The following TRMT11 variants were observed in gnomAD, a reference collection of about 807,000 sequenced individuals.
The protein encoded by TRMT11 is tRNA (guanine(10)-N(2))-methyltransferase TRMT11.
Under a neutral mutation model 62.8 loss-of-function variants are expected in TRMT11, and 53 were observed. The ratio of observed to expected loss-of-function variants is 0.84; its 90% CI spans 0.68 to 1.06. TRMT11 has a LOEUF of 1.06. TRMT11 is among the 50% of genes least tolerant of loss of function. The probability of loss-of-function intolerance (pLI) is 0.00; values close to 1 mark genes in which losing one functional copy is unlikely to be tolerated. For missense variants in TRMT11, 556 were observed against 553.4 expected (o/e 1.00, Z -0.05); for synonymous variants, 188 against 190.3 (o/e 0.99, Z 0.10).
chr6:126,157,161 G>A (rs756661939), intron 21 of TRMT11, among the ~76,000 whole-genome samples: 7 of 152,178 alleles, frequency 4.6e-5, no homozygotes, highest in Non-Finnish European at 8.8e-5. Context: ...TCTGGGTAGG[G>A]AGGCAGGAAG....
chr6:126,097,323 A>G (rs1409411265), intron 17 of TRMT11, among the ~76,000 whole-genome samples: 2 of 152,186 alleles, frequency 1.3e-5, no homozygotes, highest in African/African-American at 4.8e-5. Flanking sequence ...ATAGCAATAA[A>G]TAATGCCTAC....
chr6:126,264,297 T>A, the TRMT11 span, among the ~76,000 whole-genome samples: 1 of 152,206 alleles, frequency 6.6e-6, no homozygotes, highest in Non-Finnish European at 1.5e-5. Flanking sequence ...TTTATTTCAC[T>A]TTAAATATGC....
At chr6:126,010,026 C>G (rs1583696298) in intron 8 of TRMT11, among the ~76,000 whole-genome samples, 1 of 151,658 alleles carries the variant, frequency 6.6e-6, no homozygotes, top group Non-Finnish European at 1.5e-5. Flanking sequence ...TTTAAAAGTA[C>G]AAAACTTTTT....
chr6:126,186,578 C>T (rs1468487357), intron 1 of TRMT11, among the ~76,000 whole-genome samples: 1 of 151,996 alleles, frequency 6.6e-6, no homozygotes, highest in Non-Finnish European at 1.5e-5. Flanking sequence ...TTAAATATTA[C>T]CTAGGAAAAT....
At chr6:126,058,672 C>T (rs1009451370) in intron 17 of TRMT11, among the ~76,000 whole-genome samples, 14 of 152,054 alleles carry the variant, frequency 9.2e-5, no homozygotes, top group East Asian at 1.9e-4. Context: ...ATAAATAGAC[C>T]GCTAGCCAGA....
chr6:126,106,542 G>A (rs1777466702), intron 17 of TRMT11, among the ~76,000 whole-genome samples: 1 of 152,160 alleles, frequency 6.6e-6, no homozygotes. Flanking sequence ...GCTAGAATTC[G>A]AAGATAGATG....
At chr6:126,235,898 A>C in the TRMT11 span, among the ~76,000 whole-genome samples, 4 of 152,226 alleles carry the variant, frequency 2.6e-5, no homozygotes, top group Admixed American at 1.3e-4. Context: ...TATGTTTGAC[A>C]GTTGAGTCAT....
intron 21 of TRMT11, among the ~76,000 whole-genome samples, chr6:126,131,123 C>T (rs1018796767): frequency 2.0e-5 from 3 of 151,982 alleles, no homozygotes; most frequent in African/African-American, 7.2e-5. Flanking sequence ...TGTGGAAAAA[C>T]GAAGCAGAAT....
chr6:126,068,742 G>A (rs1192667306), intron 17 of TRMT11, among the ~76,000 whole-genome samples: 1 of 151,980 alleles, frequency 6.6e-6, no homozygotes, highest in East Asian at 1.9e-4. Flanking sequence ...TTAACTCTTT[G>A]CATTTTCCTG....
At chr6:126,209,516 C>A in the TRMT11 span, among the ~76,000 whole-genome samples, 9 of 151,378 alleles carry the variant, frequency 5.9e-5, no homozygotes, top group Non-Finnish European at 2.9e-5. Flanking sequence ...GTCAGGAGAT[C>A]GAGACCATCC....
At chr6:126,268,554 CAAG>C in the TRMT11 span, among the ~76,000 whole-genome samples, 1 of 152,128 alleles carries the variant, frequency 6.6e-6, no homozygotes, top group Non-Finnish European at 1.5e-5. Flanking sequence ...CCAGTAAAAT[CAAG>C]AAGAATTTGT....
Position 126,065,891 on chromosome 6 carries a change from C to T in TRMT11, c.*1437+12701C>T, listed in dbSNP as rs902186837. On this transcript the variant is annotated intron_variant and NMD_transcript_variant, in intron 17 of 22. Transcript: ENST00000648977. ...GTACAATGAAAATAATAGTACCTAT[C>T]GTGAATTTATCATGATCATAAAAGG... Among the ~76,000 whole-genome samples the T allele has an allele frequency of 5.3e-5, 8 of 152,202 alleles. No individual in the cohort carries two copies. The South Asian group carries it at 1.5e-3, about 28-fold the overall frequency.
At chr6:126,117,699 G>A (rs1777606335) in intron 21 of TRMT11, among the ~76,000 whole-genome samples, 1 of 151,952 alleles carries the variant, frequency 6.6e-6, no homozygotes. Context: ...CTGTAACCCC[G>A]CCATCTGATT....
At chr6:126,229,443 T>G in the TRMT11 span, among the ~76,000 whole-genome samples, 1 of 152,110 alleles carries the variant, frequency 6.6e-6, no homozygotes, top group Non-Finnish European at 1.5e-5. Context: ...TTGAAAAAAT[T>G]TTTCTTGGGA....
At chr6:126,086,882 C>T (rs987096481) in intron 17 of TRMT11, among the ~76,000 whole-genome samples, 1 of 152,170 alleles carries the variant, frequency 6.6e-6, no homozygotes, top group African/African-American at 2.4e-5. Flanking sequence ...GGGGGCACCA[C>T]TCTGAGAAGG....
chr6:126,199,584 T>G (rs954520128), intron 2 of TRMT11, among the ~76,000 whole-genome samples: 1 of 152,202 alleles, frequency 6.6e-6, no homozygotes, highest in Non-Finnish European at 1.5e-5. Context: ...TGTCACAAAT[T>G]AAAACTTTAT....
At position 126,011,265 on chromosome 6, in the gene TRMT11, G is replaced by C. The variant is rs79591474; in HGVS notation, c.773G>C (p.Arg258Thr). Residue 258 changes from arginine (R) to threonine (T), a missense_variant, in exon 9 of 13, where the codon AGG becomes ACG. Coordinates refer to ENST00000334379, the MANE Select transcript of TRMT11 (RefSeq NM_001031712.3). The part of the protein sequence containing the change: ...NTVHGLGKAT[R>T]KNQKWRGPDE... ...TCTTTCCCTTCAGGAAAGGCTACTA[G>C]GAAAAACCAGAAGTGGAGAGGACCA... 6.8e-6 allele frequency: 11 copies of C among 1,611,716 alleles called. No homozygotes were observed. Among genetic ancestry groups the C allele is most frequent in the African/African-American group, 1.3e-5 (1 of 74,900 alleles).
intron 21 of TRMT11, among the ~76,000 whole-genome samples, chr6:126,151,865 T>TCTTTCTTC (rs1778054514): frequency 8.0e-6 from 1 of 124,250 alleles, no homozygotes; most frequent in Non-Finnish European, 1.7e-5. Flanking sequence ...TTTCTTTCTT[T>TCTTTCTTC]CCTTCTTTCT....
intron 21 of TRMT11, among the ~76,000 whole-genome samples, chr6:126,140,706 G>C (rs1777907382): frequency 6.6e-6 from 1 of 152,002 alleles, no homozygotes; most frequent in South Asian, 2.1e-4. Context: ...CAGAGAAATT[G>C]TTCTACTTGA....
Sources: gnomAD v4.1 joint callset for allele counts (sites outside exome capture counted in the v4.1 genomes callset) on GRCh38, gnomAD v4.1.1 for gene constraint, MANE v1.5 for transcripts, NCBI Gene and HGNC (gene_info 2026-07-23, HGNC 2026-07-21) for gene names.